GRIN2A: variants seen among roughly 807,000 people sequenced by gnomAD.
The protein encoded by GRIN2A is glutamate ionotropic receptor NMDA type subunit 2A.
A neutral mutation model predicts 113.4 loss-of-function variants in GRIN2A; 22 were observed. The observed-to-expected ratio is 0.19, with a 90% CI of 0.14 to 0.28. GRIN2A has a LOEUF of 0.28. Among genes scored for constraint, GRIN2A ranks in the 10% least tolerant of loss-of-function variants. GRIN2A has a pLI of 1.00. For missense variants in GRIN2A, 1,502 were observed against 1,887.0 expected (o/e 0.80, Z 3.78); for synonymous variants, 827 against 738.4 (o/e 1.12, Z -1.94).
intron 11 of GRIN2A, among the ~76,000 whole-genome samples, chr16:9,775,165 A>G (rs1052671371): frequency 1.2e-4 from 19 of 152,090 alleles, no homozygotes; most frequent in African/African-American, 4.3e-4. Flanking sequence ...TTGCTGAAAC[A>G]TATCTTCTAA....
At chr16:10,124,564 G>A (rs1160572597) in intron 2 of GRIN2A, among the ~76,000 whole-genome samples, 1 of 152,174 alleles carries the variant, frequency 6.6e-6, no homozygotes, top group African/African-American at 2.4e-5. Context: ...ACAGACAGGG[G>A]CACTGAAATT....
intron 4 of GRIN2A, among the ~76,000 whole-genome samples, chr16:9,863,722 T>C (rs1482319015): frequency 6.6e-6 from 1 of 152,222 alleles, no homozygotes; most frequent in Admixed American, 6.5e-5. Context: ...CTCCATCCAT[T>C]ATGTAAGGGG....
intron 2 of GRIN2A, among the ~76,000 whole-genome samples, chr16:10,164,216 T>C (rs897748345): frequency 5.3e-5 from 8 of 152,228 alleles, no homozygotes; most frequent in African/African-American, 1.9e-4. Flanking sequence ...ACTGAATAAA[T>C]GTGAGTCTCA....
At position 10,099,038 on chromosome 16, in the gene GRIN2A, T is replaced by G. The variant is rs547913578; in HGVS notation, c.414+80960A>C. Among the ~76,000 whole-genome samples the G allele has an allele frequency of 3.9e-5, 6 of 152,268 alleles. No individual in the cohort carries two copies. In the East Asian group the frequency reaches 1.2e-3, roughly 29 times the overall value. On this transcript the variant is annotated intron_variant, in intron 2 of 12. Coordinates refer to ENST00000330684, the MANE Select transcript of GRIN2A (RefSeq NM_001134407.3). ...CAGTTTGTGTTCTCCAAATAGTTGT[T>G]AAAAATAATTTAGAAAATGCTCAAA...
In GRIN2A at chr16:9,777,452, AGAT is replaced by A. The variant is rs1318838408; in HGVS notation, c.2357-8366_2357-8364del. On this transcript the variant is annotated intron_variant, in intron 11 of 12. Coordinates refer to ENST00000330684, the MANE Select transcript of GRIN2A (RefSeq NM_001134407.3). ...ATAGTACAAGATTCTGGACACAAAT[AGAT>A]TGAATTTGGGAGATAAATATTCCTT... is the stretch of plus-strand genomic sequence containing the variant. 7.9e-5 allele frequency among the ~76,000 whole-genome samples: 12 copies of A among 152,338 alleles called. 1 individual carries two copies. The South Asian group carries it at 1.9e-3, about 24-fold the overall frequency.
chr16:10,172,773 AT>A (rs2050068515), intron 2 of GRIN2A, among the ~76,000 whole-genome samples: 1 of 152,244 alleles, frequency 6.6e-6, no homozygotes, highest in Admixed American at 6.5e-5. Flanking sequence ...TTGGCAAAGA[AT>A]TAGAAGTTGA....
chr16:10,015,289 AGAAAGG>A (rs2046588278), intron 2 of GRIN2A, among the ~76,000 whole-genome samples: 1 of 132,104 alleles, frequency 7.6e-6, no homozygotes, highest in African/African-American at 3.0e-5. Flanking sequence ...AAAAAGAAAA[AGAAAGG>A]AAAGGAAAAG....
At position 9,759,633 on chromosome 16, in the gene GRIN2A, G is replaced by C; in HGVS notation, c.*3516C>G. On this transcript the variant is annotated 3_prime_UTR_variant, in exon 13 of 13. Transcript: ENST00000330684. ...AAATACTCAGACTCTCTGGCATCCTGTGAATCAGGGAAGAGAAAATCAAGA... is the reference window on the plus strand; with the variant it reads ...AAATACTCAGACTCTCTGGCATCCTCTGAATCAGGGAAGAGAAAATCAAGA... 1 of 230,236 alleles carries C rather than the reference G, an allele frequency of 4.3e-6. No homozygotes were observed. The highest frequency in any genetic ancestry group is 8.6e-6 in the Non-Finnish European group (1 of 116,244). The allele number at this position is 230,236 out of a possible 1,614,324, so 14.3% of individuals were successfully genotyped here. A position where few individuals can be genotyped will look rare whatever the true frequency, so the allele number is the denominator to read the frequency against.
In GRIN2A at chr16:10,117,666, C is replaced by T. The variant is rs140208486; in HGVS notation, c.414+62332G>A. Among the ~76,000 whole-genome samples the T allele has an allele frequency of 2.4e-3, 368 of 152,264 alleles. 1 individual carries two copies. The highest frequency in any genetic ancestry group is 3.9e-3 in the Non-Finnish European group (264 of 68,012). ...TGACCACATTGTTCCAGCACTGAAC[C>T]ATATGCTCCATCTCTGCACCAGGAG... On this transcript the variant is annotated intron_variant, in intron 2 of 12. Transcript: ENST00000330684.
intron 4 of GRIN2A, among the ~76,000 whole-genome samples, chr16:9,886,194 T>C (rs2043582800): frequency 6.6e-6 from 1 of 152,096 alleles, no homozygotes; most frequent in African/African-American, 2.4e-5. Flanking sequence ...CATCAAAAGG[T>C]TGAAAACCCC....
chr16:9,958,157 G>A (rs953368190), intron 2 of GRIN2A, among the ~76,000 whole-genome samples: 25 of 152,150 alleles, frequency 1.6e-4, no homozygotes, highest in Admixed American at 1.6e-3. Context: ...GCGACTGTGA[G>A]GATTAAAATT....
At chr16:10,055,607 C>A (rs1396174491) in intron 2 of GRIN2A, among the ~76,000 whole-genome samples, 1 of 152,198 alleles carries the variant, frequency 6.6e-6, no homozygotes, top group Non-Finnish European at 1.5e-5. Context: ...TGGCACCAAG[C>A]TGCAAACTCC....
intron 2 of GRIN2A, among the ~76,000 whole-genome samples, chr16:9,958,743 G>A (rs114395160): frequency 1.2e-3 from 180 of 152,050 alleles, no homozygotes; most frequent in African/African-American, 3.9e-3. Context: ...ATTAGAACCT[G>A]AATAGCTTCA....
intron 2 of GRIN2A, among the ~76,000 whole-genome samples, chr16:10,006,740 A>G (rs1567230523): frequency 6.6e-6 from 1 of 151,914 alleles, no homozygotes; most frequent in East Asian, 1.9e-4. Flanking sequence ...TCTTAACTAT[A>G]TTTTTTACCC....
intron 2 of GRIN2A, among the ~76,000 whole-genome samples, chr16:10,138,799 A>G (rs375031428): frequency 2.0e-5 from 3 of 152,202 alleles, no homozygotes; most frequent in African/African-American, 7.2e-5. Context: ...TAAAATTTCA[A>G]TACATGCCAA....
chr16:9,831,593 G>A (rs1170214026), intron 8 of GRIN2A, among the ~76,000 whole-genome samples: 1 of 146,200 alleles, frequency 6.8e-6, no homozygotes, highest in African/African-American at 2.6e-5. Flanking sequence ...TCGGCTCACT[G>A]CAGCCTCCAC....
At chr16:10,014,899 A>G (rs1442110013) in intron 2 of GRIN2A, among the ~76,000 whole-genome samples, 14 of 152,198 alleles carry the variant, frequency 9.2e-5, no homozygotes. Flanking sequence ...TTTAGCATCT[A>G]CAGGAGGATG....
chr16:9,845,818 T>C (rs1231423000), intron 5 of GRIN2A, among the ~76,000 whole-genome samples: 1 of 152,206 alleles, frequency 6.6e-6, no homozygotes, highest in East Asian at 1.9e-4. Context: ...CACACCACTC[T>C]CTTTCTGTTC....
chr16:10,046,090 A>G (rs981335207), intron 2 of GRIN2A, among the ~76,000 whole-genome samples: 2 of 152,108 alleles, frequency 1.3e-5, no homozygotes, highest in Non-Finnish European at 2.9e-5. Context: ...GCTCTAAGCC[A>G]ATATGATAGC....
Sources: allele counts gnomAD v4.1 joint callset (sites outside exome capture counted in the v4.1 genomes callset), GRCh38; gene constraint gnomAD v4.1.1; transcripts MANE v1.5; gene names NCBI Gene and HGNC (gene_info 2026-07-23, HGNC 2026-07-21).